Variants in CDC20 observed in about 807,000 individuals in gnomAD.
CDC20 encodes the protein cell division cycle protein 20 homolog.
A neutral mutation model predicts 60.0 loss-of-function variants in CDC20; 34 were observed. The observed-to-expected ratio is 0.57, with a 90% confidence interval of 0.43 to 0.75. The LOEUF is 0.75. Among genes scored for constraint, CDC20 ranks in the 30% least tolerant of loss-of-function variants. The probability of loss-of-function intolerance (pLI) is 0.00; values close to 1 mark genes in which losing one functional copy is unlikely to be tolerated. For missense variants in CDC20, 469 were observed against 647.3 expected (o/e 0.72, Z 2.99); for synonymous variants, 198 against 243.5 (o/e 0.81, Z 1.74).
At chr1:43,362,453 T>G in intron 10 of CDC20, 141 bp downstream of exon 10, 1 of 610,728 alleles carries the variant, frequency 1.6e-6, no homozygotes, top group African/African-American at 1.8e-5. Context: ...TGAAAATGTC[T>G]TAGAATTAGT....
chr1:43,363,076 C>T lies in CDC20; in HGVS notation c.1447C>T (p.Arg483Trp), dbSNP rs377329238. The change falls in exon 11 of 11, where the codon CGG (arginine) becomes TGG (tryptophan). Residue 483 changes from arginine to tryptophan, a missense_variant. Coordinates refer to ENST00000310955, the MANE Select transcript of CDC20 (RefSeq NM_001255.3). Reference protein sequence around the residue: ...FELDPARRREREKASAAKSSL... With the variant: ...FELDPARRREWEKASAAKSSL... ...GTTGGACCCTGCGCGGCGGCGGGAGCGGGAGAAGGCCAGTGCAGCCAAAAG... is the reference window on the plus strand; with the variant it reads ...GTTGGACCCTGCGCGGCGGCGGGAGTGGGAGAAGGCCAGTGCAGCCAAAAG... The T allele has an allele frequency of 1.4e-4, 223 of 1,613,206 alleles. No individual in the cohort carries two copies. Among genetic ancestry groups the T allele is most frequent in the Admixed American group, 2.5e-4 (15 of 59,768 alleles).
rs1035759944 is a variant in CDC20 at position 43,359,279 on chromosome 1, A to G, written c.64A>G (p.Asn22Asp). Residue 22 changes from asparagine to aspartate, a missense_variant, in exon 2 of 11, where the codon AAT becomes GAT. Physicochemically the swap from Asn to Asp is conservative, Grantham distance 23. This residue lies in a region of CDC20 where 115 missense variants were observed against 156.1 expected (regional missense o/e 0.74). Coordinates refer to ENST00000310955, the MANE Select transcript of CDC20 (RefSeq NM_001255.3). ...GCTTCAGCTGGATGCACCCATCCCC[A>G]ATGCACCCCCTGCGCGCTGGCAGCG... ...SLLQLDAPIP[N>D]APPARWQRKA... 6.2e-7 allele frequency: 1 copy of G among 1,612,190 alleles called. No individual in the cohort carries two copies. Among genetic ancestry groups the G allele is most frequent in the African/African-American group, 1.3e-5 (1 of 74,876 alleles).
In CDC20 at chr1:43,360,897, G is replaced by A. The variant is rs199542353; in HGVS notation, c.1013G>A (p.Ser338Asn). 8 of 1,614,198 alleles carry A rather than the reference G, an allele frequency of 5.0e-6. No homozygotes were observed. The African/African-American group carries it at 8.0e-5, about 16-fold the overall frequency. The change falls in exon 8 of 11, where the codon AGT becomes AAT. Residue 338 changes from serine (S) to asparagine (N), a missense_variant. Coordinates refer to ENST00000310955, the MANE Select transcript of CDC20 (RefSeq NM_001255.3). ...GNDNLVNVWP[S>N]APGEGGWVPL... ...GATAACTTGGTCAATGTGTGGCCTA[G>A]TGCTCCTGGAGAGGGTGGCTGGGTT...
intron 5 of CDC20, 25 bp downstream of exon 5, chr1:43,360,122 C>T (rs371646217): frequency 1.2e-6 from 2 of 1,614,060 alleles, no homozygotes; most frequent in Non-Finnish European, 1.7e-6. Context: ...ATCCTCGCCT[C>T]ATGCATGGAG....
In CDC20 at chr1:43,361,030, G is replaced by A. The variant is rs574307989; in HGVS notation, c.1077+69G>A. 21 of 1,598,630 alleles carry A rather than the reference G, an allele frequency of 1.3e-5. No individual in the cohort carries two copies. In the South Asian group the frequency reaches 2.2e-4, roughly 17 times the overall value. On this transcript the variant is annotated intron_variant, in intron 8 of 10. Transcript: ENST00000310955. ...ATCTGGGGACTGTTAAGGGGAGAAGGGATGGTAGGATTGGACTGGGTTAAT... is the reference window on the plus strand; with the variant it reads ...ATCTGGGGACTGTTAAGGGGAGAAGAGATGGTAGGATTGGACTGGGTTAAT...
chr1:43,360,535 A>G lies in CDC20; in HGVS notation c.790A>G (p.Met264Val). ...DVQQQKRLRN[M>V]TSHSARVGSL... Reference sequence around the variant, plus strand: ...GCAGCAGCAGAAACGGCTTCGAAATATGACCAGTCACTCTGCCCGAGTGGG... The same window carrying G: ...GCAGCAGCAGAAACGGCTTCGAAATGTGACCAGTCACTCTGCCCGAGTGGG... The change falls in exon 7 of 11, where the codon ATG (methionine) becomes GTG (valine). Residue 264 changes from methionine (M) to valine (V), a missense_variant. Physicochemically the swap from Met to Val is conservative, Grantham distance 21. This residue lies in a region of CDC20 where 255 missense variants were observed against 326.7 expected (regional missense o/e 0.78). Transcript: ENST00000310955. The G allele has an allele frequency of 6.2e-7, 1 of 1,614,184 alleles. No homozygotes were observed. Among genetic ancestry groups the G allele is most frequent in the Non-Finnish European group, 8.5e-7 (1 of 1,180,008 alleles).
chr1:43,362,425 G>C, intron 10 of CDC20, 113 bp downstream of exon 10: 1 of 625,300 alleles, frequency 1.6e-6, no homozygotes, highest in Non-Finnish European at 3.0e-6. Flanking sequence ...GGGGCTGAGA[G>C]AGGGTAATGG....
chr1:43,359,235 A>C lies in CDC20; in HGVS notation c.20A>C (p.Glu7Ala), dbSNP rs772787630. Residue 7 changes from glutamate to alanine, a missense_variant, in exon 2 of 11, where the codon GAG (glutamate) becomes GCG (alanine). By Grantham distance (107) the Glu-to-Ala change is moderately radical. Around this residue, in one of 5 missense-constraint regions of CDC20, gnomAD observed 115 missense variants for 156.1 expected, o/e 0.74. Coordinates refer to ENST00000310955, the MANE Select transcript of CDC20 (RefSeq NM_001255.3). MAQFAF[E>A]SDLHSLLQLD... The stretch of plus-strand genomic sequence containing the variant: ...GCTCCCATGGCACAGTTCGCGTTCG[A>C]GAGTGACCTGCACTCGCTGCTTCAG... 1.9e-6 allele frequency: 3 copies of C among 1,611,682 alleles called. No homozygotes were observed. Among genetic ancestry groups the C allele is most frequent in the Non-Finnish European group, 1.7e-6 (2 of 1,179,930 alleles).
chr1:43,360,351 A>G lies in CDC20; in HGVS notation c.715A>G (p.Asn239Asp). ...ISSVAWIKEG[N>D]YLAVGTSSAE... ...CTCTGTGGCCTGGATCAAAGAGGGC[A>G]ACTACTTGGCTGTGGGCACCAGCAG... is the stretch of plus-strand genomic sequence containing the variant. Residue 239 changes from asparagine to aspartate, a missense_variant, in exon 6 of 11, where the codon AAC (asparagine) becomes GAC (aspartate). This residue lies in a region of CDC20 where 255 missense variants were observed against 326.7 expected (regional missense o/e 0.78). Transcript: ENST00000310955. The G allele has an allele frequency of 6.2e-7, 1 of 1,614,222 alleles. No individual in the cohort carries two copies. The highest frequency in any genetic ancestry group is 8.5e-7 in the Non-Finnish European group (1 of 1,180,032).
chr1:43,359,093 C>G, intron 1 of CDC20, 74 bp from the exon 2 acceptor site: 2 of 1,007,474 alleles, frequency 2.0e-6, no homozygotes, highest in Non-Finnish European at 3.0e-6. Context: ...CGAGGGTGGC[C>G]CTGATTTTGT....
At position 43,360,052 on chromosome 1, in the gene CDC20, C is replaced by T. The variant is rs1198649635; in HGVS notation, c.511C>T (p.Leu171=). ...SRKTCRYIPS[L]PDRILDAPEI... Reference sequence around the variant, plus strand: ...GAAGACCTGCCGTTACATTCCTTCCCTGCCAGACCGTATCCTGGATGCGCC... The same window carrying T: ...GAAGACCTGCCGTTACATTCCTTCCTTGCCAGACCGTATCCTGGATGCGCC... The change falls in exon 5 of 11, where the codon CTG becomes TTG. Residue 171 remains leucine, a synonymous_variant. Coordinates refer to ENST00000310955, the MANE Select transcript of CDC20 (RefSeq NM_001255.3). 6.2e-7 allele frequency: 1 copy of T among 1,614,132 alleles called. No individual in the cohort carries two copies. The highest frequency in any genetic ancestry group is 1.3e-5 in the African/African-American group (1 of 74,946).
In CDC20 at chr1:43,360,724, C is replaced by T; in HGVS notation, c.849-9C>T. 6.2e-7 allele frequency: 1 copy of T among 1,609,476 alleles called. No individual in the cohort carries two copies. The highest frequency in any genetic ancestry group is 8.5e-7 in the Non-Finnish European group (1 of 1,176,146). Reference sequence around the variant, plus strand: ...CCACAGAACCTGATTCCCTTCTTTCCTCCTCCAGTGGTTCACGTTCTGGCC... The same window carrying T: ...CCACAGAACCTGATTCCCTTCTTTCTTCCTCCAGTGGTTCACGTTCTGGCC... On this transcript the variant is annotated splice_polypyrimidine_tract_variant and intron_variant, in intron 7 of 10. Transcript: ENST00000310955.
Position 43,359,406 on chromosome 1 carries a change from G to A in CDC20, c.181+10G>A, listed in dbSNP as rs972249607. ...CCGGGCCGAACTCCTGGTCAGTGAG[G>A]TGCCAAAGGAACTGAGTGAGAGCAG... On this transcript the variant is annotated intron_variant, in intron 2 of 10. Transcript: ENST00000310955. 1 of 1,612,656 alleles carries A rather than the reference G, an allele frequency of 6.2e-7. No homozygotes were observed. The highest frequency in any genetic ancestry group is 8.5e-7 in the Non-Finnish European group (1 of 1,179,192).
At chr1:43,361,043 G>C in intron 8 of CDC20, 77 bp from the exon 9 acceptor site, 1 of 1,602,734 alleles carries the variant, frequency 6.2e-7, no homozygotes, top group South Asian at 1.1e-5. Context: ...TGGTAGGATT[G>C]GACTGGGTTA....
Position 43,360,007 on chromosome 1 carries a change from G to C in CDC20, c.466G>C (p.Ala156Pro), listed in dbSNP as rs1331587384. Residue 156 changes from alanine to proline, a missense_variant, in exon 5 of 11, where the codon GCC becomes CCC. This residue lies in a region of CDC20 where 255 missense variants were observed against 326.7 expected (regional missense o/e 0.78). Coordinates refer to ENST00000310955, the MANE Select transcript of CDC20 (RefSeq NM_001255.3). ...ACTGAAAGTACTCTACAGCCAAAAG[G>C]CCACTCCTGGCTCCAGCCGGAAGAC... is the stretch of plus-strand genomic sequence containing the variant. ...NRLKVLYSQK[A>P]TPGSSRKTCR... 28 of 1,614,066 alleles carry C rather than the reference G, an allele frequency of 1.7e-5. No individual in the cohort carries two copies. Among genetic ancestry groups the C allele is most frequent in the Non-Finnish European group, 2.4e-5 (28 of 1,179,930 alleles).
At position 43,360,096 on chromosome 1, in the gene CDC20, T is replaced by TTG; in HGVS notation, c.556+1_556+2dup. ...ATGCGCCTGAAATCCGAAATGACTA[T>TTG]TGTAAGTGCATCCTTATCCTCGCCT... On this transcript the variant is annotated frameshift_variant and splice_region_variant, in exon 5 of 11. Coordinates refer to ENST00000310955, the MANE Select transcript of CDC20 (RefSeq NM_001255.3). LOFTEE classifies it high-confidence loss of function. 1 of 1,614,184 alleles carries TTG rather than the reference T, an allele frequency of 6.2e-7. No homozygotes were observed. The highest frequency in any genetic ancestry group is 8.5e-7 in the Non-Finnish European group (1 of 1,180,038).
At position 43,363,180 on chromosome 1, in the gene CDC20, C is replaced by A; in HGVS notation, c.*51C>A. ...TTTTATTTTTCTAATAAAGTCATGTCTCCCTTCATGTTTTTTTTTTAAATC... is the reference window on the plus strand; with the variant it reads ...TTTTATTTTTCTAATAAAGTCATGTATCCCTTCATGTTTTTTTTTTAAATC... On this transcript the variant is annotated 3_prime_UTR_variant, in exon 11 of 11. Coordinates refer to ENST00000310955, the MANE Select transcript of CDC20 (RefSeq NM_001255.3). 1 of 1,530,290 alleles carries A rather than the reference C, an allele frequency of 6.5e-7. No individual in the cohort carries two copies. The highest frequency in any genetic ancestry group is 9.0e-7 in the Non-Finnish European group (1 of 1,116,830). The allele number at this position is 1,530,290 out of a possible 1,614,324, so 94.8% of individuals were successfully genotyped here.
chr1:43,359,630 A>T lies in CDC20; in HGVS notation c.322A>T (p.Thr108Ser), dbSNP rs759825563. 1 of 1,613,850 alleles carries T rather than the reference A, an allele frequency of 6.2e-7. No individual in the cohort carries two copies. The highest frequency in any genetic ancestry group is 1.1e-5 in the South Asian group (1 of 91,080). The change falls in exon 3 of 11, where the codon ACC becomes TCC. Residue 108 changes from threonine (T) to serine (S), a missense_variant. Physicochemically the swap from Thr to Ser is moderately conservative, Grantham distance 58. Transcript: ENST00000310955. Reference protein sequence around the residue: ...ENQPENSQTPTKKEHQKAWAL... With the variant: ...ENQPENSQTPSKKEHQKAWAL... Reference sequence around the variant, plus strand: ...CCAGCCTGAAAACAGCCAGACGCCCACCAAGAAGGTATGTGTCCCAGAGGG... The same window carrying T: ...CCAGCCTGAAAACAGCCAGACGCCCTCCAAGAAGGTATGTGTCCCAGAGGG...
chr1:43,359,148 G>A lies in CDC20; in HGVS notation c.-49-19G>A. 1 of 1,538,006 alleles carries A rather than the reference G, an allele frequency of 6.5e-7. No homozygotes were observed. Among genetic ancestry groups the A allele is most frequent in the Non-Finnish European group, 9.0e-7 (1 of 1,114,418 alleles). Reference sequence around the variant, plus strand: ...GGTCCCTTTCTGTCCCCTGAGCACCGTCGCCTCCTTTCCTCCAGGGCTCCG... The same window carrying A: ...GGTCCCTTTCTGTCCCCTGAGCACCATCGCCTCCTTTCCTCCAGGGCTCCG... On this transcript the variant is annotated intron_variant, in intron 1 of 10. Transcript: ENST00000310955.
Sources: allele counts gnomAD v4.1 joint callset, GRCh38; gene constraint gnomAD v4.1.1; regional missense constraint gnomAD v4.1.1; transcripts MANE v1.5; gene names NCBI Gene and HGNC (gene_info 2026-07-23, HGNC 2026-07-21).